GEN1: variants seen among roughly 807,000 people sequenced by gnomAD.
GEN1 encodes the protein flap endonuclease GEN homolog 1.
In GEN1, 64 loss-of-function variants were observed where a neutral mutation model predicts 67.6. The ratio of observed to expected loss-of-function variants is 0.95; its 90% CI spans 0.77 to 1.17. The LOEUF is 1.17. Ranked by LOEUF, GEN1 falls within the 50% of genes most tolerant of loss-of-function variation. The pLI, the probability that GEN1 is intolerant of heterozygous loss-of-function variation, is 0.00. For synonymous variants in GEN1, 371 were observed against 359.4 expected, an observed-to-expected ratio of 1.03 and a Z score of -0.37; for missense variants, 1,058 against 1,048.3, an observed-to-expected ratio of 1.01 and a Z score of -0.13.
Position 17,764,975 on chromosome 2 carries a change from A to G in GEN1, c.427A>G (p.Asn143Asp). Residue 143 changes from asparagine (N) to aspartate (D), a missense_variant, in exon 4 of 14, where the codon AAT (asparagine) becomes GAT (aspartate). Asn to Asp is a conservative substitution (Grantham distance 23, BLOSUM62 1). Transcript: ENST00000381254. ...AGCTGAAGCCATGTGTGCTTATCTCAATGCTGGTGGTCATGTCGATGGCTG... is the reference window on the plus strand; with the variant it reads ...AGCTGAAGCCATGTGTGCTTATCTCGATGCTGGTGGTCATGTCGATGGCTG... ...GEAEAMCAYL[N>D]AGGHVDGCLT... 1 of 1,614,126 alleles carries G rather than the reference A, an allele frequency of 6.2e-7. No individual in the cohort carries two copies. The highest frequency in any genetic ancestry group is 8.5e-7 in the Non-Finnish European group (1 of 1,179,994).
chr2:17,769,184 C>T (rs2125137489), intron 6 of GEN1, among the ~76,000 whole-genome samples: 1 of 151,980 alleles, frequency 6.6e-6, no homozygotes. Flanking sequence ...TGTGCCCAGC[C>T]ACCATACTAC....
At chr2:17,760,946 T>C (rs1572391206) in intron 2 of GEN1, among the ~76,000 whole-genome samples, 1 of 148,262 alleles carries the variant, frequency 6.7e-6, no homozygotes, top group African/African-American at 2.5e-5. Context: ...AATCAGTGGT[T>C]TTGGCCGGGC....
intron 8 of GEN1, 77 bp downstream of exon 8, chr2:17,772,861 A>C (rs1464780908): frequency 2.6e-5 from 34 of 1,310,184 alleles, no homozygotes; most frequent in Non-Finnish European, 3.4e-5. Flanking sequence ...TTTCCATATA[A>C]TCTTTCCCCA....
At chr2:17,759,705 G>T (rs546196182) in intron 1 of GEN1, among the ~76,000 whole-genome samples, 1 of 151,874 alleles carries the variant, frequency 6.6e-6, no homozygotes. Flanking sequence ...ATTCGCTACC[G>T]ATCTCTGCTT....
intron 1 of GEN1, among the ~76,000 whole-genome samples, chr2:17,759,384 T>TTC (rs1671568838): frequency 6.6e-6 from 1 of 152,196 alleles, no homozygotes. Context: ...TGGTTAAAAG[T>TTC]TATAAGTGAT....
Position 17,780,616 on chromosome 2 carries a change from T to G in GEN1, c.1409-5T>G. On this transcript the variant is annotated splice_region_variant and splice_polypyrimidine_tract_variant and intron_variant, in intron 13 of 13. Transcript: ENST00000381254. Reference sequence around the variant, plus strand: ...GTTGATTATATGTATTTTTTTTCTTTTCAGGTATTAAGCCTAAAGAAAACA... The same window carrying G: ...GTTGATTATATGTATTTTTTTTCTTGTCAGGTATTAAGCCTAAAGAAAACA... The G allele has an allele frequency of 6.6e-7, 1 of 1,523,648 alleles. No individual in the cohort carries two copies. The highest frequency in any genetic ancestry group is 8.8e-7 in the Non-Finnish European group (1 of 1,132,920). The allele number at this position is 1,523,648 out of a possible 1,614,324, so 94.4% of individuals were successfully genotyped here.
At chr2:17,753,632 C>G (rs1176669870), upstream of GEN1, 2 of 152,192 alleles carry the variant, frequency 1.3e-5, no homozygotes. Context: ...CTACCGCCAA[C>G]AAGTCGAAGT....
intron 11 of GEN1, 68 bp from the exon 12 acceptor site, chr2:17,777,934 A>G: frequency 3.6e-6 from 3 of 832,658 alleles, no homozygotes; most frequent in East Asian, 2.6e-5. Context: ...GAAATTATTC[A>G]GGTTAGAAAT....
At chr2:17,776,820 A>G (rs2125158953) in intron 11 of GEN1, among the ~76,000 whole-genome samples, 1 of 152,300 alleles carries the variant, frequency 6.6e-6, no homozygotes, top group East Asian at 1.9e-4. Context: ...TTACCACTCA[A>G]ACCTTCCTTA....
intron 3 of GEN1, among the ~76,000 whole-genome samples, chr2:17,762,045 G>C (rs752880611): frequency 4.0e-5 from 6 of 151,848 alleles, no homozygotes; most frequent in Non-Finnish European, 8.8e-5. Context: ...CTTAGGGCTT[G>C]TAATTTTAAA....
intron 10 of GEN1, 32 bp from the exon 11 acceptor site, chr2:17,774,239 A>G (rs999734654): frequency 1.5e-6 from 2 of 1,324,194 alleles, no homozygotes; most frequent in Non-Finnish European, 2.0e-6. Flanking sequence ...AAGAGATAAC[A>G]AAATCTTGTT....
At chr2:17,758,690 A>C (rs1374419667) in intron 1 of GEN1, among the ~76,000 whole-genome samples, 1 of 152,136 alleles carries the variant, frequency 6.6e-6, no homozygotes, top group Non-Finnish European at 1.5e-5. Flanking sequence ...GAGTACACAG[A>C]ATAATACTCA....
At chr2:17,774,431 G>A (rs1321231209) in intron 11 of GEN1, 30 bp downstream of exon 11, 3 of 1,537,462 alleles carry the variant, frequency 2.0e-6, no homozygotes, top group Non-Finnish European at 2.6e-6. Flanking sequence ...GGTGAAGGTG[G>A]TGTTTTTACT....
At position 17,773,110 on chromosome 2, in the gene GEN1, G is replaced by T. The variant is rs1465815972; in HGVS notation, c.968G>T (p.Cys323Phe). 6.3e-7 allele frequency: 1 copy of T among 1,582,438 alleles called. No homozygotes were observed. Among genetic ancestry groups the T allele is most frequent in the Non-Finnish European group, 8.7e-7 (1 of 1,154,226 alleles). ...ENNIKKKACC[C>F]EGFPFHEVIQ... ...TTTTTTTTCAGGAAAGCTTGCTGTT[G>T]TGAGGGATTCCCATTCCATGAGGTA... Residue 323 changes from cysteine (C) to phenylalanine (F), a missense_variant, in exon 9 of 14, where the codon TGT becomes TTT. Coordinates refer to ENST00000381254, the MANE Select transcript of GEN1 (RefSeq NM_001130009.3).
chr2:17,780,270 A>C lies in GEN1; in HGVS notation c.1408+149A>C, dbSNP rs962722953. On this transcript the variant is annotated intron_variant, in intron 13 of 13. Coordinates refer to ENST00000381254, the MANE Select transcript of GEN1 (RefSeq NM_001130009.3). ...TGTATTCTTCCTTCTTTGTCTTCACATACTTTCTTTTAAAGCTGAAAAGCC... is the reference window on the plus strand; with the variant it reads ...TGTATTCTTCCTTCTTTGTCTTCACCTACTTTCTTTTAAAGCTGAAAAGCC... The C allele has an allele frequency of 1.2e-5, 8 of 682,452 alleles. No individual in the cohort carries two copies. The African/African-American group carries it at 1.5e-4, about 12-fold the overall frequency. The allele number at this position is 682,452 out of a possible 1,614,324, so 42.3% of individuals were successfully genotyped here.
rs1298785977 is a variant in GEN1, at chr2:17,778,369, TACAC to T, written c.1264+312_1264+315del. Among the ~76,000 whole-genome samples, 64 of 41,844 alleles carry T rather than the reference TACAC, an allele frequency of 1.5e-3. 26 individuals carry two copies. The highest frequency in any genetic ancestry group is 5.5e-3 in the African/African-American group (55 of 10,076). 27.5% of individuals were successfully genotyped at this position (41,844 alleles called of 152,430 possible). A position where few individuals can be genotyped will look rare whatever the true frequency, so the allele number is the denominator to read the frequency against. On this transcript the variant is annotated intron_variant, in intron 12 of 13. Transcript: ENST00000381254. ...ACACATGTGTGTACATATATGTATA[TACAC>T]ACACATATATGTGTGTACATATATG...
intron 13 of GEN1, 67 bp from the exon 14 acceptor site, chr2:17,780,554 T>C: frequency 9.2e-7 from 1 of 1,092,240 alleles, no homozygotes; most frequent in South Asian, 1.6e-5. Flanking sequence ...TGTTTATTTT[T>C]TTATTTTTTA....
chr2:17,773,018 G>T (rs1327806888), intron 8 of GEN1, 78 bp from the exon 9 acceptor site: 1 of 943,450 alleles, frequency 1.1e-6, no homozygotes, highest in East Asian at 2.5e-5. Flanking sequence ...TATTAAATGG[G>T]AGGAGATTGG....
In GEN1 at chr2:17,761,490, A is replaced by G; in HGVS notation, c.256A>G (p.Ile86Val). ...GEPPKLKADV[I>V]SKRNQSRYGS... is the part of the protein sequence containing the mutation. ...ACCACCAAAGCTGAAAGCTGATGTC[A>G]TAAGCAAGAGGAATCAGTCTCGGTA... Residue 86 changes from isoleucine (I) to valine (V), a missense_variant, in exon 3 of 14, where the codon ATA (isoleucine) becomes GTA (valine). Coordinates refer to ENST00000381254, the MANE Select transcript of GEN1 (RefSeq NM_001130009.3). The G allele has an allele frequency of 1.9e-6, 3 of 1,613,288 alleles. No homozygotes were observed. Among genetic ancestry groups the G allele is most frequent in the Admixed American group, 1.7e-5 (1 of 60,020 alleles).
Sources: allele counts gnomAD v4.1 joint callset (sites outside exome capture counted in the v4.1 genomes callset), GRCh38; gene constraint gnomAD v4.1.1; transcripts MANE v1.5; gene names NCBI Gene and HGNC (gene_info 2026-07-23, HGNC 2026-07-21).